Variants in NBAS observed in about 807,000 individuals in gnomAD.
NBAS encodes the protein NAG/BC035112 fusion.
Under a neutral mutation model 302.5 loss-of-function variants are expected in NBAS, and 219 were observed. The ratio of observed to expected loss-of-function variants is 0.72; its 90% CI spans 0.65 to 0.81. The LOEUF (loss-of-function observed/expected upper bound fraction) is 0.81, where lower values mean the gene tolerates loss of function less well. NBAS is among the 30% of genes least tolerant of loss of function. The probability of loss-of-function intolerance (pLI) is 0.00; values close to 1 mark genes in which losing one functional copy is unlikely to be tolerated. For synonymous variants in NBAS, 1,118 were observed against 1,021.6 expected, an observed-to-expected ratio of 1.09 and a Z score of -1.80; for missense variants, 2,932 against 2,841.6, an observed-to-expected ratio of 1.03 and a Z score of -0.72.
chr2:14,810,971 CA>C, the NBAS span, among the ~76,000 whole-genome samples: 447 of 152,330 alleles, frequency 2.9e-3, 2 homozygotes, highest in African/African-American at 9.7e-3. Flanking sequence ...TGCCTGATTT[CA>C]GATCAGAAGT....
chr2:15,179,747 G>T (rs1347031428), intron 50 of NBAS: 1 of 152,854 alleles, frequency 6.5e-6, no homozygotes, highest in Non-Finnish European at 1.5e-5. Flanking sequence ...GCAGAAAAAT[G>T]AAAATGTGTT....
the NBAS span, among the ~76,000 whole-genome samples, chr2:15,007,538 G>C: frequency 1.9e-3 from 296 of 151,852 alleles, 1 homozygote; most frequent in Non-Finnish European, 6.5e-4. Flanking sequence ...TTTTCTTTGC[G>C]AACTACATAT....
chr2:14,955,094 G>A, the NBAS span, among the ~76,000 whole-genome samples: 1 of 152,174 alleles, frequency 6.6e-6, no homozygotes, highest in African/African-American at 2.4e-5. Context: ...TGGAAGTATA[G>A]GCATTCGGTA....
chr2:15,191,019 G>T (rs1382718106), intron 48 of NBAS, among the ~76,000 whole-genome samples: 3 of 151,810 alleles, frequency 2.0e-5, no homozygotes, highest in African/African-American at 7.3e-5. Context: ...TTACATTGAG[G>T]CAGTCCTAAA....
chr2:15,475,720 A>C lies in NBAS; in HGVS notation c.1308T>G (p.Thr436=). 1 of 1,614,154 alleles carries C rather than the reference A, an allele frequency of 6.2e-7. No individual in the cohort carries two copies. Among genetic ancestry groups the C allele is most frequent in the Non-Finnish European group, 8.5e-7 (1 of 1,180,002 alleles). The change falls in exon 14 of 52, where the codon ACT becomes ACG. Residue 436 remains threonine, a synonymous_variant. Coordinates refer to ENST00000281513, the MANE Select transcript of NBAS (RefSeq NM_015909.4). ...TTAAAAATCCCCCATCATGGGTAGC[A>C]GTGACTTGAGGTGATGGTTCAAACC... ...CEWFEPSPQV[T]ATHDGGFLSL...
At chr2:15,405,828 AAACTT>A (rs1487775337) in intron 25 of NBAS, among the ~76,000 whole-genome samples, 1 of 152,132 alleles carries the variant, frequency 6.6e-6, no homozygotes, top group African/African-American at 2.4e-5. Flanking sequence ...TAAACAGAGA[AAACTT>A]AAAACTTAGG....
chr2:15,463,544 C>T (rs550087299), intron 19 of NBAS, among the ~76,000 whole-genome samples: 3 of 152,158 alleles, frequency 2.0e-5, no homozygotes, highest in Admixed American at 2.0e-4. Flanking sequence ...CCCTCAAAGT[C>T]CCTCATTCCT....
intron 15 of NBAS, among the ~76,000 whole-genome samples, 170 bp from the exon 16 acceptor site, chr2:15,473,517 CGT>C (rs1262525608): frequency 6.6e-6 from 1 of 152,168 alleles, no homozygotes; most frequent in Non-Finnish European, 1.5e-5. Flanking sequence ...AGAAAGATCT[CGT>C]GTTTCTTTCA....
chr2:15,494,414 T>G (rs1317726479), intron 11 of NBAS, among the ~76,000 whole-genome samples: 1 of 152,220 alleles, frequency 6.6e-6, no homozygotes, highest in Admixed American at 6.5e-5. Flanking sequence ...TTAATGCATT[T>G]ATCATATAAC....
Position 15,281,725 on chromosome 2 carries a change from C to G in NBAS, c.5139-4624G>C, listed in dbSNP as rs185472529. Among the ~76,000 whole-genome samples, 784 of 152,252 alleles carry G rather than the reference C, an allele frequency of 5.1e-3. 3 individuals carry two copies. The highest frequency in any genetic ancestry group is 0.016 in the African/African-American group (670 of 41,544). On this transcript the variant is annotated intron_variant, in intron 42 of 51. Transcript: ENST00000281513. ...AAGGTCACAGAGCCAGAGCCTGCAG[C>G]AGGTTTGCATAATTTAAAGCTTGCG...
chr2:15,307,713 T>C (rs534325049), intron 40 of NBAS, among the ~76,000 whole-genome samples: 1 of 152,216 alleles, frequency 6.6e-6, no homozygotes, highest in East Asian at 1.9e-4. Flanking sequence ...AAATTAACAA[T>C]AAAGTTACAT....
chr2:15,388,463 G>C (rs1246455195), intron 28 of NBAS, among the ~76,000 whole-genome samples: 1 of 152,004 alleles, frequency 6.6e-6, no homozygotes, highest in Admixed American at 6.6e-5. Context: ...TGGTTAAAAT[G>C]GGAGAAAAGA....
In NBAS at chr2:15,533,589, A is replaced by G. The variant is rs191180101; in HGVS notation, c.746+954T>C. ...ATAAAACTATAAAGAAAGCAAGAAA[A>G]TCATATACACAAAACTCAGGACAGT... On this transcript the variant is annotated intron_variant, in intron 9 of 51. Coordinates refer to ENST00000281513, the MANE Select transcript of NBAS (RefSeq NM_015909.4). 1.0e-3 allele frequency among the ~76,000 whole-genome samples: 159 copies of G among 152,236 alleles called. 1 individual carries two copies. Among genetic ancestry groups the G allele is most frequent in the Admixed American group, 1.8e-3 (28 of 15,282 alleles).
At position 15,489,108 on chromosome 2, in the gene NBAS, A is replaced by C. The variant is rs998902926; in HGVS notation, c.955-86T>G. The C allele has an allele frequency of 2.1e-6, 3 of 1,433,398 alleles. No homozygotes were observed. In the African/African-American group the frequency reaches 4.2e-5, roughly 20 times the overall value. The allele number at this position is 1,433,398 out of a possible 1,614,324, so 88.8% of individuals were successfully genotyped here. On this transcript the variant is annotated intron_variant, in intron 11 of 51. Coordinates refer to ENST00000281513, the MANE Select transcript of NBAS (RefSeq NM_015909.4). The stretch of plus-strand genomic sequence containing the variant: ...GTAAATGACACTCTTTAGAGGTGCC[A>C]AGTTATAAATGATCTTTAGTAATTA...
At chr2:15,119,647 A>G in the NBAS span, among the ~76,000 whole-genome samples, 2 of 152,182 alleles carry the variant, frequency 1.3e-5, no homozygotes, top group South Asian at 2.1e-4. Flanking sequence ...CCAGGAATCC[A>G]TTTCTAATGT....
intron 28 of NBAS, among the ~76,000 whole-genome samples, chr2:15,385,889 T>TG (rs1034363058): frequency 7.2e-5 from 11 of 151,968 alleles, no homozygotes; most frequent in Admixed American, 3.3e-4. Context: ...GGAACTAATT[T>TG]GGGGGGTTGG....
chr2:15,437,141 T>C (rs921605288), intron 21 of NBAS, among the ~76,000 whole-genome samples: 2 of 151,870 alleles, frequency 1.3e-5, no homozygotes, highest in African/African-American at 2.4e-5. Flanking sequence ...CAATGTTCTA[T>C]GGGACAGGTG....
At chr2:15,290,072 TAGGGGAGAGAGTAGAGGGGAG>T (rs921692885) in intron 41 of NBAS, among the ~76,000 whole-genome samples, 2 of 88,046 alleles carry the variant, frequency 2.3e-5, no homozygotes, top group African/African-American at 9.2e-5. Context: ...GGAGAGGGGA[TAGGGGAGAGAGTAGAGGGGAG>T]AGGGGAGAGA....
chr2:14,799,069 T>G, the NBAS span, among the ~76,000 whole-genome samples: 5,885 of 151,986 alleles, frequency 0.039, 362 homozygotes, highest in African/African-American at 0.13. Flanking sequence ...TATTCTAAAA[T>G]GTATTAGTTC....
Sources: gnomAD v4.1 joint callset for allele counts (sites outside exome capture counted in the v4.1 genomes callset) on GRCh38, gnomAD v4.1.1 for gene constraint, MANE v1.5 for transcripts, NCBI Gene and HGNC (gene_info 2026-07-23, HGNC 2026-07-21) for gene names.